The following ZNF280A variants were observed in gnomAD, a reference collection of about 807,000 sequenced individuals.
The protein encoded by ZNF280A is zinc finger protein 280A.
In ZNF280A, 26 loss-of-function variants were observed where a neutral mutation model predicts 35.9. The observed-to-expected ratio is 0.72, with a 90% confidence interval of 0.53 to 1.01. The LOEUF (loss-of-function observed/expected upper bound fraction) is 1.01. ZNF280A is among the 50% of genes least tolerant of loss of function. ZNF280A has a pLI of 0.00. For missense variants in ZNF280A, 654 were observed against 652.0 expected, an observed-to-expected ratio of 1.00 and a Z score of -0.03; for synonymous variants, 231 against 232.9, an observed-to-expected ratio of 0.99 and a Z score of 0.07.
intron 1 of ZNF280A, 145 bp from the exon 2 acceptor site, chr22:22,515,846 C>CATA: frequency 1.3e-6 from 1 of 787,948 alleles, no homozygotes; most frequent in Non-Finnish European, 1.8e-6. Flanking sequence ...TTTTAAATGG[C>CATA]ATAATAATTT....
chr22:22,515,303 A>G lies in ZNF280A; in HGVS notation c.328T>C (p.Ser110Pro), dbSNP rs762246549. The G allele has an allele frequency of 6.2e-7, 1 of 1,613,874 alleles. No homozygotes were observed. The highest frequency in any genetic ancestry group is 2.2e-5 in the East Asian group (1 of 44,790). Residue 110 changes from serine (S) to proline (P), a missense_variant, in exon 2 of 2, where the codon TCG (serine) becomes CCG (proline). Ser to Pro is a moderately conservative substitution (Grantham distance 74, BLOSUM62 -1). Transcript: ENST00000302097. Reference sequence around the variant, plus strand: ...TTCATAGTGACAGGACTATCTGTCGATCGCCCCTCAGACAGAGAAACCGGC... The same window carrying G: ...TTCATAGTGACAGGACTATCTGTCGGTCGCCCCTCAGACAGAGAAACCGGC... ...IMPVSLSEGR[S>P]TDSPVTMKSS...
intron 1 of ZNF280A, among the ~76,000 whole-genome samples, chr22:22,516,123 TA>T (rs573258481): frequency 6.6e-6 from 1 of 151,258 alleles, no homozygotes; most frequent in African/African-American, 2.4e-5. Flanking sequence ...ATTTAAAAAT[TA>T]AAAAAAATTA....
At chr22:22,517,534 G>T (rs1271188926) in intron 1 of ZNF280A, among the ~76,000 whole-genome samples, 1 of 151,926 alleles carries the variant, frequency 6.6e-6, no homozygotes, top group African/African-American at 2.4e-5. Flanking sequence ...GTGTATGTGT[G>T]TGTAAATTGA....
At chr22:22,519,989 G>A (rs2062121547) in intron 1 of ZNF280A, 100 bp downstream of exon 1, 1 of 152,054 alleles carries the variant, frequency 6.6e-6, no homozygotes, top group African/African-American at 2.4e-5. Flanking sequence ...GCAGAGAATT[G>A]CAATGCCTAA....
rs1317330476 is a variant in ZNF280A at position 22,513,890 on chromosome 22, A to G, written c.*112T>C. 3 of 712,858 alleles carry G rather than the reference A, an allele frequency of 4.2e-6. No homozygotes were observed. The highest frequency in any genetic ancestry group is 7.3e-6 in the Non-Finnish European group (3 of 412,712). 44.2% of individuals were successfully genotyped at this position (712,858 alleles called of 1,614,324 possible). ...GGAGCTGATGAGATGTCACTGTAAA[A>G]AACAACCTGACAGTTGATGACATTG... On this transcript the variant is annotated 3_prime_UTR_variant, in exon 2 of 2. Transcript: ENST00000302097.
At chr22:22,518,801 A>AAG in intron 1 of ZNF280A, among the ~76,000 whole-genome samples, 1 of 151,294 alleles carries the variant, frequency 6.6e-6, no homozygotes, top group African/African-American at 2.4e-5. Context: ...AAAAAAAAAG[A>AAG]AAAAAGGAAT....
chr22:22,517,165 G>C (rs1175745236), intron 1 of ZNF280A, among the ~76,000 whole-genome samples: 1 of 151,884 alleles, frequency 6.6e-6, no homozygotes, highest in Admixed American at 6.6e-5. Flanking sequence ...CCAACACTTT[G>C]TAAGGCCAAG....
rs200056438 is a variant in ZNF280A at position 22,515,065 on chromosome 22, C to A, written c.566G>T (p.Gly189Val). The change falls in exon 2 of 2, where the codon GGG becomes GTG. Residue 189 changes from glycine (G) to valine (V), a missense_variant. By Grantham distance (109) the Gly-to-Val change is moderately radical (BLOSUM62 -3). Transcript: ENST00000302097. Reference protein sequence around the residue: ...KRVKLRDGIPGVPSLAVVPSD... With the variant: ...KRVKLRDGIPVVPSLAVVPSD... ...AGGGACCACAGCTAAAGAAGGTACC[C>A]CTGGGATTCCATCCCTGAGTTTAAC... 62 of 1,613,690 alleles carry A rather than the reference C, an allele frequency of 3.8e-5. No individual in the cohort carries two copies. The highest frequency in any genetic ancestry group is 1.6e-4 in the Middle Eastern group (1 of 6,072).
intron 1 of ZNF280A, among the ~76,000 whole-genome samples, chr22:22,517,921 G>A (rs1230523295): frequency 1.4e-5 from 2 of 148,012 alleles, no homozygotes; most frequent in Non-Finnish European, 3.0e-5. Flanking sequence ...ATAATTGATG[G>A]CATCTTTTTT....
chr22:22,515,308 C>G lies in ZNF280A; in HGVS notation c.323G>C (p.Gly108Ala), dbSNP rs765965792. 9 of 1,613,862 alleles carry G rather than the reference C, an allele frequency of 5.6e-6. No homozygotes were observed. The South Asian group carries it at 9.9e-5, about 18-fold the overall frequency. Residue 108 changes from glycine (G) to alanine (A), a missense_variant, in exon 2 of 2, where the codon GGG (glycine) becomes GCG (alanine). By Grantham distance (60) the Gly-to-Ala change is moderately conservative. Transcript: ENST00000302097. ...AGTGACAGGACTATCTGTCGATCGC[C>G]CCTCAGACAGAGAAACCGGCATGAT... ...KAIMPVSLSE[G>A]RSTDSPVTMK... is the part of the protein sequence containing the mutation.
In ZNF280A at chr22:22,514,431, A is replaced by G; in HGVS notation, c.1200T>C (p.His400=). The G allele has an allele frequency of 1.9e-6, 3 of 1,613,862 alleles. No homozygotes were observed. The highest frequency in any genetic ancestry group is 2.5e-6 in the Non-Finnish European group (3 of 1,179,994). The change falls in exon 2 of 2, where the codon CAT becomes CAC. Residue 400 remains histidine (H), a synonymous_variant. Transcript: ENST00000302097. ...GEMPYVCQVC[H]YRSSVFADVE... The stretch of plus-strand genomic sequence containing the variant: ...CATCAGCAAAGACCGACGATCTGTA[A>G]TGGCAAACCTGGCACACATAAGGCA...
At position 22,514,548 on chromosome 22, in the gene ZNF280A, C is replaced by T. The variant is rs1318074206; in HGVS notation, c.1083G>A (p.Gly361=). The T allele has an allele frequency of 6.2e-7, 1 of 1,613,882 alleles. No individual in the cohort carries two copies. The highest frequency in any genetic ancestry group is 1.1e-5 in the South Asian group (1 of 91,076). ...CHIDSVHIAM[G]PSAVCKICEL... ...CACAGATTTTACAGACAGCAGAGGG[C>T]CCCATGGCGATGTGTACACTATCAA... Residue 361 remains glycine (G), a synonymous_variant, in exon 2 of 2, where the codon GGG becomes GGA. Transcript: ENST00000302097.
At chr22:22,520,043 T>C (rs916054833) in intron 1 of ZNF280A, 46 bp downstream of exon 1, 1 of 151,982 alleles carries the variant, frequency 6.6e-6, no homozygotes, top group Non-Finnish European at 1.5e-5. Context: ...TTGCCAGCTC[T>C]AGTTTTAGAG....
rs2062043013 is a variant in ZNF280A, at chr22:22,514,335, GA to G, written c.1295del (p.Phe432SerfsTer8). ...GATTCATGTATGGTATTGCAGTTTT[GA>G]AAAGTTTGAGACAAAACAGACAAAG... ...NLLCLFCLKL[F>X]KTAIPYMNHC... On this transcript the variant is annotated frameshift_variant, in exon 2 of 2. Transcript: ENST00000302097. LOFTEE classifies it high-confidence loss of function. The G allele has an allele frequency of 2.7e-5, 44 of 1,613,944 alleles. No homozygotes were observed. The highest frequency in any genetic ancestry group is 3.7e-5 in the Non-Finnish European group (44 of 1,179,976).
rs201542170 is a variant in ZNF280A, at chr22:22,515,132, G to T, written c.499C>A (p.Arg167=). 1.9e-6 allele frequency: 3 copies of T among 1,613,870 alleles called. No individual in the cohort carries two copies. Among genetic ancestry groups the T allele is most frequent in the East Asian group, 4.5e-5 (2 of 44,780 alleles). The change falls in exon 2 of 2, where the codon CGA becomes AGA. Residue 167 remains arginine, a synonymous_variant. Transcript: ENST00000302097. ...CTGTTTATATCTGAAGTGGAAAGTC[G>T]CTTTGAATCAGGAGAACTCTCATTT... ...GRNESSPDSK[R]LSTSDINSRD...
Position 22,514,716 on chromosome 22 carries a change from T to G in ZNF280A, c.915A>C (p.Lys305Asn). 1 of 1,613,950 alleles carries G rather than the reference T, an allele frequency of 6.2e-7. No individual in the cohort carries two copies. The highest frequency in any genetic ancestry group is 8.5e-7 in the Non-Finnish European group (1 of 1,179,988). Residue 305 changes from lysine (K) to asparagine (N), a missense_variant, in exon 2 of 2, where the codon AAA becomes AAC. Lys to Asn is a moderately conservative substitution (Grantham distance 94, BLOSUM62 0). Transcript: ENST00000302097. The stretch of plus-strand genomic sequence containing the variant: ...TCATAAACTTAATATTTTTTAGAAC[T>G]TTCACGCAGCTGAGGCATTTAAAGG... ...HTTFKCLSCV[K>N]VLKNIKFMNH...
chr22:22,515,739 C>G (rs361856), intron 1 of ZNF280A, 38 bp from the exon 2 acceptor site: 24 of 1,477,354 alleles, frequency 1.6e-5, no homozygotes, highest in Non-Finnish European at 2.1e-5. Flanking sequence ...ATATTTATTT[C>G]GAAAGACAAA....
rs768229319 is a variant in ZNF280A at position 22,514,766 on chromosome 22, G to A, written c.865C>T (p.Gln289Ter). 5.0e-6 allele frequency: 8 copies of A among 1,613,924 alleles called. No homozygotes were observed. In the South Asian group the frequency reaches 5.5e-5, roughly 11 times the overall value. Reference sequence around the variant, plus strand: ...GTGGTGTGAGTCTTCTGTTCCGGCTGCCCATCTCCTTTATGCTGTCCATAG... The same window carrying A: ...GTGGTGTGAGTCTTCTGTTCCGGCTACCCATCTCCTTTATGCTGTCCATAG... ...FYYGQHKGDG[Q>*]PEQKTHTTFK... Residue 289 changes from glutamine to a stop codon, truncating the protein, a stop_gained, in exon 2 of 2, where the codon CAG (glutamine) becomes TAG (stop). Coordinates refer to ENST00000302097, the MANE Select transcript of ZNF280A (RefSeq NM_080740.5). LOFTEE classifies it high-confidence loss of function.
At chr22:22,518,930 A>G (rs890516831) in intron 1 of ZNF280A, among the ~76,000 whole-genome samples, 4 of 151,878 alleles carry the variant, frequency 2.6e-5, no homozygotes, top group Admixed American at 6.6e-5. Flanking sequence ...TCACACTTCT[A>G]TGACACAGTT....
Sources: gnomAD v4.1 joint callset for allele counts (sites outside exome capture counted in the v4.1 genomes callset) on GRCh38, gnomAD v4.1.1 for gene constraint, MANE v1.5 for transcripts, NCBI Gene and HGNC (gene_info 2026-07-23, HGNC 2026-07-21) for gene names.